The following EML1 variants were observed in gnomAD, a reference collection of about 807,000 sequenced individuals.
The protein encoded by EML1 is echinoderm microtubule-associated protein-like 1.
In EML1, 27 loss-of-function variants were observed where a neutral mutation model predicts 110.4. The ratio of observed to expected loss-of-function variants is 0.24; its 90% confidence interval spans 0.18 to 0.34. EML1 has a LOEUF of 0.34. Ranked by LOEUF, EML1 falls within the 10% of genes least tolerant of loss-of-function variation. The probability of loss-of-function intolerance (pLI) is 1.00; values close to 1 mark genes in which losing one functional copy is unlikely to be tolerated. For synonymous variants in EML1, 344 were observed against 385.8 expected, an observed-to-expected ratio of 0.89 and a Z score of 1.27; for missense variants, 741 against 1,030.9, an observed-to-expected ratio of 0.72 and a Z score of 3.85.
intron 3 of EML1, among the ~76,000 whole-genome samples, chr14:99,876,407 C>T (rs1035282587): frequency 1.3e-5 from 2 of 152,202 alleles, no homozygotes; most frequent in Non-Finnish European, 2.9e-5. Context: ...AGGGCTCACC[C>T]CCTCCTCTGT....
At chr14:99,790,134 AAAAG>A (rs2057647862), upstream of EML1, among the ~76,000 whole-genome samples, 1 of 152,248 alleles carries the variant, frequency 6.6e-6, no homozygotes, top group South Asian at 2.1e-4. Context: ...TTATCATCTC[AAAAG>A]AAAGTGGACT....
chr14:99,830,137 C>T (rs1039768118), intron 1 of EML1, among the ~76,000 whole-genome samples: 1 of 152,178 alleles, frequency 6.6e-6, no homozygotes, highest in Admixed American at 6.5e-5. Flanking sequence ...CTAATTTCTT[C>T]GCATTCTTGC....
Position 99,936,232 on chromosome 14 carries a change from G to A in EML1, c.2008-15G>A, listed in dbSNP as rs911856194. 4 of 1,613,826 alleles carry A rather than the reference G, an allele frequency of 2.5e-6. No individual in the cohort carries two copies. The highest frequency in any genetic ancestry group is 3.4e-6 in the Non-Finnish European group (4 of 1,179,838). ...CTAAGGCCAATGAAATGAAGACAGT[G>A]TTTTACCCTCCCAGGGTCATTCCAG... is the stretch of plus-strand genomic sequence containing the variant. On this transcript the variant is annotated splice_polypyrimidine_tract_variant and intron_variant, in intron 18 of 21. Coordinates refer to ENST00000262233, the MANE Select transcript of EML1 (RefSeq NM_004434.3). The surrounding 1 kb of genome is among the most constrained non-coding windows in gnomAD (Gnocchi z 5.5).
rs1196051502 is a variant in EML1, at chr14:99,940,981, T to G, written c.*869T>G. The G allele has an allele frequency of 2.0e-5, 3 of 152,268 alleles. No individual in the cohort carries two copies. Among genetic ancestry groups the G allele is most frequent in the Non-Finnish European group, 4.4e-5 (3 of 68,046 alleles). 9.4% of individuals were successfully genotyped at this position (152,268 alleles called of 1,614,324 possible). The stretch of plus-strand genomic sequence containing the variant: ...ACTAGGCTTTACTGTCTTATGCTTA[T>G]GGACATTGTATATTTGTATTTTATG... On this transcript the variant is annotated 3_prime_UTR_variant, in exon 22 of 22. Transcript: ENST00000262233.
At chr14:99,817,176 T>G (rs1483754965) in intron 1 of EML1, among the ~76,000 whole-genome samples, 4 of 152,214 alleles carry the variant, frequency 2.6e-5, no homozygotes, top group Non-Finnish European at 4.4e-5. Flanking sequence ...CTTACTACAT[T>G]CATTTTTTTG....
chr14:99,887,273 TCTC>T (rs1429588339), intron 4 of EML1, among the ~76,000 whole-genome samples: 1 of 152,174 alleles, frequency 6.6e-6, no homozygotes, highest in African/African-American at 2.4e-5. Context: ...TTTCAGCAAA[TCTC>T]CTTCTTATAA....
chr14:99,897,269 G>T lies in EML1; in HGVS notation c.802G>T (p.Ala268Ser), dbSNP rs764781997. Residue 268 changes from alanine to serine, a missense_variant, in exon 7 of 22, where the codon GCT (alanine) becomes TCT (serine). This residue lies in a region of EML1 where 388 missense variants were observed against 605.6 expected (regional missense o/e 0.64). Coordinates refer to ENST00000262233, the MANE Select transcript of EML1 (RefSeq NM_004434.3). Reference protein sequence around the residue: ...NVEEQLQRHYAGHNDDVKCLA... With the variant: ...NVEEQLQRHYSGHNDDVKCLA... ...GGAGGAGCAACTGCAGAGGCATTACGCTGGCCACAACGATGACGTGAAGTG... is the reference window on the plus strand; with the variant it reads ...GGAGGAGCAACTGCAGAGGCATTACTCTGGCCACAACGATGACGTGAAGTG... 1 of 1,611,344 alleles carries T rather than the reference G, an allele frequency of 6.2e-7. No homozygotes were observed. Among genetic ancestry groups the T allele is most frequent in the South Asian group, 1.1e-5 (1 of 90,570 alleles).
rs549816169 is a variant in EML1, at chr14:99,929,946, C to T, written c.1910-6083C>T. Among the ~76,000 whole-genome samples, 8 of 152,246 alleles carry T rather than the reference C, an allele frequency of 5.3e-5. No homozygotes were observed. The South Asian group carries it at 8.3e-4, about 16-fold the overall frequency. On this transcript the variant is annotated intron_variant, in intron 17 of 21. Coordinates refer to ENST00000262233, the MANE Select transcript of EML1 (RefSeq NM_004434.3). ...TGATGGCCAGAGGAAAAGCTAGTAG[C>T]GGTTCTTGAGCTTTATAGGTGGAGC...
At chr14:99,929,742 A>G (rs973781633) in intron 17 of EML1, among the ~76,000 whole-genome samples, 1 of 152,218 alleles carries the variant, frequency 6.6e-6, no homozygotes, top group Middle Eastern at 3.2e-3. Flanking sequence ...ATGCCCAAAC[A>G]CAGATTGTCA....
rs575737278 is a variant in EML1 at position 99,833,239 on chromosome 14, G to T, written c.68-17614G>T. On this transcript the variant is annotated intron_variant, in intron 1 of 21. Transcript: ENST00000262233. ...TGTGTGTGGGTATGGATATGCAATT[G>T]TTCCAGCCTAATTTGTTGAAAAGAC... Among the ~76,000 whole-genome samples the T allele has an allele frequency of 4.3e-4, 66 of 152,300 alleles. 3 individuals carry two copies. In the South Asian group the frequency reaches 0.012, roughly 27 times the overall value.
intron 1 of EML1, among the ~76,000 whole-genome samples, chr14:99,826,105 A>ATTTTTTTTTTTTTTTTTTTTTT (rs71113225): frequency 2.5e-5 from 2 of 79,962 alleles, no homozygotes; most frequent in South Asian, 5.4e-4. Flanking sequence ...CTGTGCATTG[A>ATTTTTTTTTTTTTTTTTTTTTT]TTTTTTTTTT....
At chr14:99,818,587 TCACA>T (rs1191382959) in intron 1 of EML1, among the ~76,000 whole-genome samples, 2 of 152,150 alleles carry the variant, frequency 1.3e-5, no homozygotes, top group Non-Finnish European at 2.9e-5. Context: ...TGTATCATAT[TCACA>T]CACACGTGTG....
chr14:99,826,342 A>G (rs937202662), intron 1 of EML1, among the ~76,000 whole-genome samples: 2 of 151,968 alleles, frequency 1.3e-5, no homozygotes, highest in Non-Finnish European at 2.9e-5. Context: ...CGAACACCTG[A>G]CCTCATGTGA....
intron 17 of EML1, among the ~76,000 whole-genome samples, chr14:99,930,863 T>C (rs2060354758): frequency 6.6e-6 from 1 of 152,202 alleles, no homozygotes; most frequent in Non-Finnish European, 1.5e-5. Flanking sequence ...AATCTGAATG[T>C]GAAGATGAAA....
rs140720115 is a variant in EML1 at position 99,932,531 on chromosome 14, T to A, written c.1910-3498T>A. Among the ~76,000 whole-genome samples the A allele has an allele frequency of 9.5e-3, 1,433 of 151,070 alleles. 73 individuals are homozygous for A. Among genetic ancestry groups the A allele is most frequent in the Admixed American group, 0.079 (1,189 of 15,140 alleles). On this transcript the variant is annotated intron_variant, in intron 17 of 21. Transcript: ENST00000262233. Reference sequence around the variant, plus strand: ...GCAGGCGCCTGTAATCCCAGCTATCTGGAAGGCTGAGGCAGGAGAATCGCT... The same window carrying A: ...GCAGGCGCCTGTAATCCCAGCTATCAGGAAGGCTGAGGCAGGAGAATCGCT...
chr14:99,887,200 G>A (rs778508837), intron 4 of EML1, among the ~76,000 whole-genome samples: 1 of 152,180 alleles, frequency 6.6e-6, no homozygotes, highest in Admixed American at 6.5e-5. Context: ...GAGTCTCCAC[G>A]ACTGCTTATA....
chr14:99,928,425 T>G (rs2060306732), intron 17 of EML1, among the ~76,000 whole-genome samples: 1 of 152,052 alleles, frequency 6.6e-6, no homozygotes, highest in African/African-American at 2.4e-5. Flanking sequence ...TATACATTTC[T>G]TACCTATAGC....
In EML1 at chr14:99,891,225, C is replaced by A; in HGVS notation, c.545C>A (p.Ala182Glu). The part of the protein sequence containing the change: ...ESKPKEPVFS[A>E]EEGYVKMFLR... Reference sequence around the variant, plus strand: ...AAACCCAAGGAGCCTGTATTCAGTGCAGGTAAGTCTGATTTAATTTATGTA... The same window carrying A: ...AAACCCAAGGAGCCTGTATTCAGTGAAGGTAAGTCTGATTTAATTTATGTA... Residue 182 changes from alanine (A) to glutamate (E), a missense_variant and splice_region_variant, in exon 5 of 22, where the codon GCA (alanine) becomes GAA (glutamate). Around this residue, in one of 4 missense-constraint regions of EML1, gnomAD observed 226 missense variants for 255.6 expected, o/e 0.88. Coordinates refer to ENST00000262233, the MANE Select transcript of EML1 (RefSeq NM_004434.3). 2 of 1,614,094 alleles carry A rather than the reference C, an allele frequency of 1.2e-6. No homozygotes were observed. Among genetic ancestry groups the A allele is most frequent in the Non-Finnish European group, 1.7e-6 (2 of 1,180,006 alleles).
intron 12 of EML1, among the ~76,000 whole-genome samples, chr14:99,910,740 A>G (rs1047452667): frequency 1.8e-4 from 27 of 152,202 alleles, no homozygotes. Flanking sequence ...TGTGCTAGAC[A>G]CTGTGAACAT....
Sources: gnomAD v4.1 joint callset for allele counts (sites outside exome capture counted in the v4.1 genomes callset) on GRCh38, gnomAD v4.1.1 for gene constraint, gnomAD v4.1.1 regional missense constraint, Gnocchi (gnomAD v3.1) non-coding constraint, MANE v1.5 for transcripts, NCBI Gene and HGNC (gene_info 2026-07-23, HGNC 2026-07-21) for gene names.